The following TEAD1 variants were observed in gnomAD, a reference collection of about 807,000 sequenced individuals.
The protein encoded by TEAD1 is transcriptional enhancer factor TEF-1.
Under a neutral mutation model 54.9 loss-of-function variants are expected in TEAD1, and 9 were observed. That is an observed-to-expected ratio of 0.16 (90% CI 0.10 to 0.29). TEAD1 has a LOEUF of 0.29. Ranked by LOEUF, TEAD1 falls within the 10% of genes least tolerant of loss-of-function variation. TEAD1 has a pLI of 1.00. For synonymous variants in TEAD1, 200 were observed against 187.8 expected, an observed-to-expected ratio of 1.07 and a Z score of -0.53; for missense variants, 387 against 535.9, an observed-to-expected ratio of 0.72 and a Z score of 2.74.
intron 9 of TEAD1, among the ~76,000 whole-genome samples, chr11:12,897,562 A>C (rs902798561): frequency 6.6e-6 from 1 of 152,204 alleles, no homozygotes; most frequent in African/African-American, 2.4e-5. Context: ...TCTTGGCAGC[A>C]GTGAAGCCAC....
chr11:12,925,854 C>T (rs984770366), intron 11 of TEAD1, among the ~76,000 whole-genome samples: 1 of 152,192 alleles, frequency 6.6e-6, no homozygotes, highest in Non-Finnish European at 1.5e-5. Flanking sequence ...AACCATGATA[C>T]CTTGAGTTTG....
chr11:12,776,754 A>G (rs1230980137), intron 3 of TEAD1, among the ~76,000 whole-genome samples: 1 of 129,356 alleles, frequency 7.7e-6, no homozygotes, highest in African/African-American at 2.9e-5. Flanking sequence ...GCCCATTTGG[A>G]TATTTATTAT....
In TEAD1 at chr11:12,750,246, C is replaced by T. The variant is rs148898418; in HGVS notation, c.-54-13933C>T. Among the ~76,000 whole-genome samples, 737 of 152,244 alleles carry T rather than the reference C, an allele frequency of 4.8e-3. 4 individuals are homozygous for T. Among genetic ancestry groups the T allele is most frequent in the Non-Finnish European group, 7.8e-3 (529 of 68,030 alleles). Reference sequence around the variant, plus strand: ...TTGGGCTCGAGTGTGACCCTGTTGTCAGCTCACAGCCTCTCTTTAGGGATG... The same window carrying T: ...TTGGGCTCGAGTGTGACCCTGTTGTTAGCTCACAGCCTCTCTTTAGGGATG... On this transcript the variant is annotated intron_variant, in intron 2 of 12. Coordinates refer to ENST00000527636, the MANE Select transcript of TEAD1 (RefSeq NM_021961.6).
intron 4 of TEAD1, among the ~76,000 whole-genome samples, chr11:12,864,262 G>A (rs1947567484): frequency 6.6e-6 from 1 of 152,110 alleles, no homozygotes; most frequent in Admixed American, 6.5e-5. Context: ...TCTAAATTGA[G>A]AAAAAGGGAT....
chr11:12,819,508 G>A (rs1370958816), intron 3 of TEAD1, among the ~76,000 whole-genome samples: 1 of 152,068 alleles, frequency 6.6e-6, no homozygotes, highest in Non-Finnish European at 1.5e-5. Flanking sequence ...GGAGTGTAGT[G>A]GCGCGATCTC....
At chr11:12,674,993 C>G (rs1260387144) in intron 1 of TEAD1, among the ~76,000 whole-genome samples, 159 bp downstream of exon 1, 1 of 148,088 alleles carries the variant, frequency 6.8e-6, no homozygotes, top group East Asian at 2.0e-4. Flanking sequence ...CCCCCACACC[C>G]GCCTCCCCGC....
intron 5 of TEAD1, among the ~76,000 whole-genome samples, chr11:12,873,603 A>G (rs1401868591): frequency 2.0e-5 from 3 of 152,372 alleles, no homozygotes; most frequent in East Asian, 1.9e-4. Context: ...CAGGAGAAGC[A>G]TGAATGTGCC....
chr11:12,753,824 T>G (rs1944928525), intron 2 of TEAD1, among the ~76,000 whole-genome samples: 1 of 152,226 alleles, frequency 6.6e-6, no homozygotes, highest in African/African-American at 2.4e-5. Flanking sequence ...TTTATGGCCA[T>G]GTAGGTAATC....
chr11:12,917,457 T>C (rs1487905407), intron 10 of TEAD1, among the ~76,000 whole-genome samples: 1 of 152,220 alleles, frequency 6.6e-6, no homozygotes, highest in African/African-American at 2.4e-5. Context: ...AAATGTGTGA[T>C]AATTTGTAGC....
chr11:12,683,418 A>T (rs1033523506), intron 2 of TEAD1, among the ~76,000 whole-genome samples: 8 of 152,048 alleles, frequency 5.3e-5, no homozygotes, highest in Non-Finnish European at 8.8e-5. Flanking sequence ...TTACACGTTT[A>T]TATTTTTTAG....
chr11:12,771,072 C>T (rs984617911), intron 3 of TEAD1, among the ~76,000 whole-genome samples: 1 of 152,162 alleles, frequency 6.6e-6, no homozygotes, highest in Admixed American at 6.5e-5. Context: ...AGCACAGGTT[C>T]AGACTTGCCC....
chr11:12,903,747 A>G (rs929996059), intron 10 of TEAD1, among the ~76,000 whole-genome samples: 2 of 152,204 alleles, frequency 1.3e-5, no homozygotes, highest in African/African-American at 4.8e-5. Flanking sequence ...AGGAGGTCGA[A>G]GCTGCACTGA....
intron 3 of TEAD1, among the ~76,000 whole-genome samples, chr11:12,770,605 C>G (rs552073779): frequency 6.6e-6 from 1 of 152,266 alleles, no homozygotes; most frequent in Admixed American, 6.5e-5. Flanking sequence ...AATATAGGTA[C>G]TGTAATTATG....
chr11:12,734,277 T>C (rs1429581036), intron 2 of TEAD1, among the ~76,000 whole-genome samples: 1 of 152,224 alleles, frequency 6.6e-6, no homozygotes, highest in Non-Finnish European at 1.5e-5. Flanking sequence ...AGAAAGCTTA[T>C]AGAAAAAGAC....
At chr11:12,814,857 CTG>C (rs149307000) in intron 3 of TEAD1, among the ~76,000 whole-genome samples, 2 of 142,912 alleles carry the variant, frequency 1.4e-5, no homozygotes, top group African/African-American at 2.6e-5. Flanking sequence ...CCGTCCCGAG[CTG>C]TGTGTGTGTG....
chr11:12,930,433 C>T (rs1037416053), intron 12 of TEAD1, 107 bp downstream of exon 12: 5 of 1,399,926 alleles, frequency 3.6e-6, no homozygotes, highest in Non-Finnish European at 5.0e-6. Context: ...GGGAACTGAC[C>T]AGGTTGTTGG....
intron 2 of TEAD1, among the ~76,000 whole-genome samples, chr11:12,757,265 C>T (rs922703341): frequency 2.0e-5 from 3 of 152,114 alleles, no homozygotes; most frequent in African/African-American, 7.2e-5. Context: ...CTTCCTTGGC[C>T]ACCTCCTTGG....
intron 3 of TEAD1, among the ~76,000 whole-genome samples, chr11:12,766,600 A>G (rs1378001953): frequency 6.6e-6 from 1 of 152,212 alleles, no homozygotes; most frequent in Non-Finnish European, 1.5e-5. Context: ...CAAGAGGGTC[A>G]GTTTTGACAA....
chr11:12,746,365 G>C (rs566185483), intron 2 of TEAD1, among the ~76,000 whole-genome samples: 18 of 152,196 alleles, frequency 1.2e-4, no homozygotes, highest in Non-Finnish European at 2.5e-4. Flanking sequence ...TTAGGAATTT[G>C]TTCAGTGGGA....
Sources: gnomAD v4.1 joint callset for allele counts (sites outside exome capture counted in the v4.1 genomes callset) on GRCh38, gnomAD v4.1.1 for gene constraint, MANE v1.5 for transcripts, NCBI Gene and HGNC (gene_info 2026-07-23, HGNC 2026-07-21) for gene names.